The following MCF2L variants were observed in gnomAD, a reference collection of about 807,000 sequenced individuals.
The protein encoded by MCF2L is MCF.2 cell line derived transforming sequence like, also known as guanine nucleotide exchange factor DBS.
In MCF2L, 97 loss-of-function variants were observed where a neutral mutation model predicts 153.4. The observed-to-expected ratio is 0.63, with a 90% confidence interval of 0.54 to 0.75. The LOEUF (loss-of-function observed/expected upper bound fraction) is 0.75. Ranked by LOEUF, MCF2L falls within the 30% of genes least tolerant of loss-of-function variation. The pLI, the probability that MCF2L is intolerant of heterozygous loss-of-function variation, is 0.00. For missense variants in MCF2L, 1,347 were observed against 1,495.2 expected (o/e 0.90, Z 1.64); for synonymous variants, 659 against 632.2 (o/e 1.04, Z -0.64).
At position 113,096,960 on chromosome 13, in the gene MCF2L, C is replaced by T; in HGVS notation, c.*101C>T. ...CCGAGGAAGGGGCACCTCACCGCCCCCACCCAGAGCGCCTGGCCGTGCGGG... is the reference window on the plus strand; with the variant it reads ...CCGAGGAAGGGGCACCTCACCGCCCTCACCCAGAGCGCCTGGCCGTGCGGG... On this transcript the variant is annotated 3_prime_UTR_variant, in exon 30 of 30. Transcript: ENST00000535094. 1.2e-6 allele frequency: 1 copy of T among 859,736 alleles called. No individual in the cohort carries two copies. The highest frequency in any genetic ancestry group is 3.7e-5 in the East Asian group (1 of 26,676). The allele number at this position is 859,736 out of a possible 1,614,324, so 53.3% of individuals were successfully genotyped here. A position where few individuals can be genotyped will look rare whatever the true frequency, so the allele number is the denominator to read the frequency against.
At chr13:113,010,157 C>T (rs1377784380) in intron 1 of MCF2L, 3 of 150,740 alleles carry the variant, frequency 2.0e-5, no homozygotes, top group African/African-American at 4.9e-5. Context: ...AGGGCCCACC[C>T]GCCTCCAGTC....
At chr13:113,014,220 C>G (rs570977320) in intron 1 of MCF2L, among the ~76,000 whole-genome samples, 1 of 152,182 alleles carries the variant, frequency 6.6e-6, no homozygotes, top group African/African-American at 2.4e-5. Context: ...CTGTTGCCAT[C>G]CTGCCTCATT....
At chr13:112,982,444 G>T (rs550470096) in intron 1 of MCF2L, among the ~76,000 whole-genome samples, 3 of 152,338 alleles carry the variant, frequency 2.0e-5, no homozygotes, top group Non-Finnish European at 4.4e-5. Context: ...GATGGAGCGA[G>T]CCCAGGCTCC....
intron 1 of MCF2L, among the ~76,000 whole-genome samples, chr13:112,896,964 C>T (rs998633466): frequency 1.3e-5 from 2 of 152,214 alleles, no homozygotes; most frequent in African/African-American, 4.8e-5. Flanking sequence ...CAGGGGACAG[C>T]AGGGCACTGG....
chr13:113,023,326 G>C (rs544906241), intron 2 of MCF2L, among the ~76,000 whole-genome samples: 2 of 152,350 alleles, frequency 1.3e-5, no homozygotes, highest in African/African-American at 2.4e-5. Flanking sequence ...ACAAGGACTC[G>C]GGAGGAGGCC....
intron 2 of MCF2L, 127 bp downstream of exon 2, chr13:113,014,973 G>A: frequency 2.6e-6 from 2 of 776,748 alleles, no homozygotes; most frequent in East Asian, 2.6e-5. Context: ...TGTATTCACT[G>A]CCTTGGGTCT....
At chr13:112,963,665 C>T (rs979549396) in intron 2 of MCF2L, among the ~76,000 whole-genome samples, 18 of 152,220 alleles carry the variant, frequency 1.2e-4, no homozygotes, top group African/African-American at 4.3e-4. Context: ...TAACCCCCAG[C>T]GCCTGTGGGT....
chr13:112,921,868 T>C (rs2081356369), intron 2 of MCF2L, among the ~76,000 whole-genome samples: 1 of 151,970 alleles, frequency 6.6e-6, no homozygotes, highest in South Asian at 2.1e-4. Flanking sequence ...GGAGAGAGTG[T>C]CAGGAGGATT....
rs924673933 is a variant in MCF2L, at chr13:113,035,763, A to G, written c.279-9508A>G. Among the ~76,000 whole-genome samples, 5 of 152,202 alleles carry G rather than the reference A, an allele frequency of 3.3e-5. No individual in the cohort carries two copies. The highest frequency in any genetic ancestry group is 4.8e-5 in the African/African-American group (2 of 41,456). ...GCGATCAGAGACCCCAGTGTTTACCAGGTAGGCTCTGGGCTCAGACCCCAG... is the reference window on the plus strand; with the variant it reads ...GCGATCAGAGACCCCAGTGTTTACCGGGTAGGCTCTGGGCTCAGACCCCAG... On this transcript the variant is annotated intron_variant, in intron 3 of 29. Coordinates refer to ENST00000535094, the MANE Select transcript of MCF2L (RefSeq NM_001112732.3). This position sits in a 1 kb window ranked among gnomAD's most constrained non-coding sequence, Gnocchi z 4.4.
chr13:112,971,117 G>A (rs771527999), intron 1 of MCF2L, among the ~76,000 whole-genome samples: 5 of 152,282 alleles, frequency 3.3e-5, no homozygotes, highest in Admixed American at 2.0e-4. Context: ...ACTGCTCAGC[G>A]GAGGCAAGTT....
chr13:113,064,438 C>G lies in MCF2L; in HGVS notation c.606+18C>G. 2.6e-6 allele frequency: 4 copies of G among 1,549,922 alleles called. No individual in the cohort carries two copies. The highest frequency in any genetic ancestry group is 3.6e-6 in the Non-Finnish European group (4 of 1,125,002). ...AGCGCACGGTGAGCCGCGTCGGGGC[C>G]AGCGGGGCTGGCTGATACCAGCTCG... On this transcript the variant is annotated intron_variant, in intron 6 of 29. Coordinates refer to ENST00000535094, the MANE Select transcript of MCF2L (RefSeq NM_001112732.3). The surrounding 1 kb of genome is among the most constrained non-coding windows in gnomAD (Gnocchi z 6.0).
chr13:112,903,271 G>C (rs2081137268), intron 2 of MCF2L, among the ~76,000 whole-genome samples: 1 of 152,202 alleles, frequency 6.6e-6, no homozygotes, highest in Non-Finnish European at 1.5e-5. Flanking sequence ...GCTTTTCTGG[G>C]CCTTGTCCTG....
chr13:112,997,375 C>T (rs1012730016), intron 1 of MCF2L, among the ~76,000 whole-genome samples: 6 of 152,210 alleles, frequency 3.9e-5, no homozygotes, highest in African/African-American at 1.4e-4. Flanking sequence ...CAGTGTTACA[C>T]AGGCAGCTCC....
chr13:113,018,526 TG>T (rs546348444), intron 2 of MCF2L, among the ~76,000 whole-genome samples: 39 of 152,174 alleles, frequency 2.6e-4, no homozygotes, highest in African/African-American at 7.5e-4. Flanking sequence ...GGCTGAGGGT[TG>T]GGGGGTGCAT....
intron 2 of MCF2L, among the ~76,000 whole-genome samples, chr13:112,940,497 G>A (rs1355904271): frequency 2.0e-5 from 3 of 152,214 alleles, no homozygotes; most frequent in South Asian, 2.1e-4. Context: ...GCTGTGTACC[G>A]CCTGGCCCAG....
intron 2 of MCF2L, 39 bp downstream of exon 2, chr13:113,014,885 G>A: frequency 1.3e-6 from 2 of 1,591,532 alleles, no homozygotes; most frequent in Non-Finnish European, 1.7e-6. Flanking sequence ...AGAGGGAGGG[G>A]TCTGGGGCCG....
intron 3 of MCF2L, chr13:113,044,417 C>T: frequency 2.3e-6 from 1 of 428,174 alleles, no homozygotes; most frequent in South Asian, 2.1e-5. Flanking sequence ...CAGAGAGCGG[C>T]CACGCCCATA....
chr13:113,036,546 G>A (rs200820318), intron 3 of MCF2L, among the ~76,000 whole-genome samples: 1 of 152,176 alleles, frequency 6.6e-6, no homozygotes, highest in Admixed American at 6.5e-5. Context: ...CTGATTCCAT[G>A]GAGGGCAACG....
chr13:113,095,469 G>GCCCCA, intron 27 of MCF2L: 1 of 1,069,868 alleles, frequency 9.3e-7, no homozygotes, highest in Non-Finnish European at 1.1e-6. Context: ...CAGGGTGCAC[G>GCCCCA]GGGCCTGGGG....
Sources: allele counts gnomAD v4.1 joint callset (sites outside exome capture counted in the v4.1 genomes callset), GRCh38; gene constraint gnomAD v4.1.1; non-coding constraint Gnocchi (gnomAD v3.1); transcripts MANE v1.5; gene names NCBI Gene and HGNC (gene_info 2026-07-23, HGNC 2026-07-21).